COLEC10: variants seen among roughly 807,000 people sequenced by gnomAD.
COLEC10 encodes collectin-10.
In COLEC10, 22 loss-of-function variants were observed where a neutral mutation model predicts 28.4. The observed-to-expected ratio is 0.78, with a 90% CI of 0.55 to 1.11. The LOEUF (loss-of-function observed/expected upper bound fraction) is 1.11, where lower values mean the gene tolerates loss of function less well. Ranked by LOEUF, COLEC10 falls within the 50% of genes least tolerant of loss-of-function variation. The pLI is 0.00. For synonymous variants in COLEC10, 125 were observed against 116.1 expected (o/e 1.08, Z -0.49); for missense variants, 361 against 344.1 (o/e 1.05, Z -0.39).
At position 119,105,796 on chromosome 8, in the gene COLEC10, G is replaced by A. The variant is rs777502820; in HGVS notation, c.443-4G>A. ...TAATGATACTCCTTTTTCTCTCCCT[G>A]CAGTGATAGCAGGGATTAGGGAAAC... is the stretch of plus-strand genomic sequence containing the variant. On this transcript the variant is annotated splice_region_variant and splice_polypyrimidine_tract_variant and intron_variant, in intron 5 of 5. Transcript: ENST00000332843. 1.2e-6 allele frequency: 2 copies of A among 1,604,084 alleles called. No homozygotes were observed. The highest frequency in any genetic ancestry group is 2.2e-5 in the South Asian group (2 of 90,468).
intron 1 of COLEC10, among the ~76,000 whole-genome samples, chr8:119,006,011 G>A (rs1813788141): frequency 6.6e-6 from 1 of 152,078 alleles, no homozygotes; most frequent in Admixed American, 6.6e-5. Flanking sequence ...GTGCAGCAGT[G>A]CTTTTAAAGC....
At chr8:119,062,887 C>T (rs1345219406), upstream of COLEC10, 3 of 152,158 alleles carry the variant, frequency 2.0e-5, no homozygotes, top group African/African-American at 7.2e-5. Flanking sequence ...AGTCATTCTA[C>T]TAATTTTCAT....
upstream of COLEC10, chr8:119,062,826 AAAG>A (rs1483484579): frequency 3.9e-5 from 6 of 152,228 alleles, no homozygotes; most frequent in African/African-American, 2.4e-5. Context: ...GAAATGTAAA[AAAG>A]AAATTATTAT....
At chr8:119,012,783 C>T (rs563845957) in intron 2 of COLEC10, among the ~76,000 whole-genome samples, 1 of 150,048 alleles carries the variant, frequency 6.7e-6, no homozygotes, top group East Asian at 1.9e-4. Context: ...ATTTTCTTTC[C>T]TTTTAATATC....
intron 4 of COLEC10, 81 bp downstream of exon 4, chr8:119,102,482 A>T: frequency 8.1e-7 from 1 of 1,227,780 alleles, no homozygotes; most frequent in Non-Finnish European, 1.2e-6. Flanking sequence ...ATTTCAAATG[A>T]AAAGCAAGAG....
chr8:119,050,274 A>T (rs1424371725), intron 2 of COLEC10, among the ~76,000 whole-genome samples: 2 of 152,220 alleles, frequency 1.3e-5, no homozygotes, highest in African/African-American at 4.8e-5. Context: ...AAAATAACTG[A>T]CTTTTCACTT....
chr8:119,097,654 A>G (rs1481010100), intron 3 of COLEC10, among the ~76,000 whole-genome samples: 1 of 152,074 alleles, frequency 6.6e-6, no homozygotes, highest in Non-Finnish European at 1.5e-5. Flanking sequence ...TGCATCATGG[A>G]TCTGTCCCTA....
intron 4 of COLEC10, among the ~76,000 whole-genome samples, chr8:119,103,542 T>C (rs1416479389): frequency 1.3e-5 from 2 of 152,172 alleles, no homozygotes; most frequent in African/African-American, 4.8e-5. Context: ...GTGGTTGTCA[T>C]ATATATTCTT....
chr8:119,104,320 T>C (rs1449572063), intron 5 of COLEC10, among the ~76,000 whole-genome samples: 3 of 152,292 alleles, frequency 2.0e-5, no homozygotes, highest in Non-Finnish European at 2.9e-5. Context: ...TAATTGTTTA[T>C]GTAGTATGTA....
the COLEC10 span, among the ~76,000 whole-genome samples, chr8:118,975,323 T>A: frequency 6.6e-6 from 1 of 152,044 alleles, no homozygotes; most frequent in Non-Finnish European, 1.5e-5. Context: ...TGTGTTAAAG[T>A]GCAAACTTAC....
At chr8:118,955,696 G>A in the COLEC10 span, among the ~76,000 whole-genome samples, 1 of 152,228 alleles carries the variant, frequency 6.6e-6, no homozygotes, top group South Asian at 2.1e-4. Context: ...GGTGGGGAGG[G>A]AGAGCCTTTG....
chr8:119,033,584 T>C (rs908301534), intron 2 of COLEC10, among the ~76,000 whole-genome samples: 17 of 152,062 alleles, frequency 1.1e-4, no homozygotes, highest in Admixed American at 1.3e-4. Context: ...GGGCCAAGGT[T>C]ATTAACAGAC....
At chr8:119,024,407 C>T (rs887089361) in intron 2 of COLEC10, among the ~76,000 whole-genome samples, 3 of 152,014 alleles carry the variant, frequency 2.0e-5, no homozygotes, top group African/African-American at 7.2e-5. Flanking sequence ...AGTGAGTCCC[C>T]TTATAAGGCA....
At chr8:118,969,696 T>TC in the COLEC10 span, among the ~76,000 whole-genome samples, 3 of 150,074 alleles carry the variant, frequency 2.0e-5, no homozygotes, top group African/African-American at 7.3e-5. Flanking sequence ...TTTCTTTCTT[T>TC]TTTTTTTTTT....
At chr8:119,036,271 G>T (rs1318772451) in intron 2 of COLEC10, among the ~76,000 whole-genome samples, 1 of 152,078 alleles carries the variant, frequency 6.6e-6, no homozygotes, top group Non-Finnish European at 1.5e-5. Context: ...ACACAAACAG[G>T]TACAAAACGT....
chr8:119,004,445 A>G (rs974370883), intron 1 of COLEC10, among the ~76,000 whole-genome samples: 3 of 151,210 alleles, frequency 2.0e-5, no homozygotes, highest in Non-Finnish European at 4.4e-5. Flanking sequence ...GCCATTGTTT[A>G]TTTTTCTCTC....
At chr8:119,048,563 T>G (rs1451667382) in intron 2 of COLEC10, among the ~76,000 whole-genome samples, 2 of 152,370 alleles carry the variant, frequency 1.3e-5, no homozygotes, top group Admixed American at 1.3e-4. Context: ...GTTTTCTTTT[T>G]GGATTTTATC....
chr8:119,098,885 T>A (rs1463496287), intron 3 of COLEC10, among the ~76,000 whole-genome samples: 1 of 152,066 alleles, frequency 6.6e-6, no homozygotes, highest in South Asian at 2.1e-4. Context: ...AATCTGTACT[T>A]TGAAATTTAT....
intron 2 of COLEC10, among the ~76,000 whole-genome samples, chr8:119,042,026 C>T (rs1814508211): frequency 6.6e-6 from 1 of 151,644 alleles, no homozygotes; most frequent in Non-Finnish European, 1.5e-5. Context: ...GAGACGGAGT[C>T]TTTCCCTGTC....
Sources: gnomAD v4.1 joint callset for allele counts (sites outside exome capture counted in the v4.1 genomes callset) on GRCh38, gnomAD v4.1.1 for gene constraint, MANE v1.5 for transcripts, NCBI Gene and HGNC (gene_info 2026-07-23, HGNC 2026-07-21) for gene names.